EIF2S3B: variants seen among roughly 807,000 people sequenced by gnomAD.
EIF2S3B encodes eukaryotic translation initiation factor 2 subunit 3B.
Under a neutral mutation model 26.4 loss-of-function variants are expected in EIF2S3B, and 16 were observed. The observed-to-expected ratio is 0.61, with a 90% CI of 0.41 to 0.92. EIF2S3B has a LOEUF of 0.92. Ranked by LOEUF, EIF2S3B falls within the 40% of genes least tolerant of loss-of-function variation. The probability of loss-of-function intolerance (pLI) is 0.00; values close to 1 mark genes in which losing one functional copy is unlikely to be tolerated. For missense variants in EIF2S3B, 510 were observed against 575.5 expected (o/e 0.89, Z 1.16); for synonymous variants, 183 against 204.4 (o/e 0.90, Z 0.89).
intron 1 of EIF2S3B, among the ~76,000 whole-genome samples, chr12:10,517,354 C>T (rs1334573618): frequency 1.1e-4 from 16 of 151,020 alleles, no homozygotes; most frequent in East Asian, 3.9e-4. Context: ...GTGTATGTGT[C>T]GAGGAATTTA....
chr12:10,519,524 T>C (rs1864806345), intron 1 of EIF2S3B, among the ~76,000 whole-genome samples: 1 of 151,962 alleles, frequency 6.6e-6, no homozygotes, highest in African/African-American at 2.4e-5. Context: ...CTAATTAAAC[T>C]AAAGAGCTTC....
intron 1 of EIF2S3B, among the ~76,000 whole-genome samples, chr12:10,515,468 A>C (rs188078202): frequency 2.3e-3 from 356 of 152,190 alleles, no homozygotes; most frequent in Non-Finnish European, 4.0e-3. Flanking sequence ...CAGAATAAAG[A>C]TATTGAAAGA....
chr12:10,511,876 C>G (rs536883438), downstream of EIF2S3B, among the ~76,000 whole-genome samples: 1 of 152,254 alleles, frequency 6.6e-6, no homozygotes, highest in East Asian at 1.9e-4. Context: ...AAAGCACAGT[C>G]TATGGCTCTG....
chr12:10,508,233 T>G lies in EIF2S3B; in HGVS notation c.*912T>G, dbSNP rs1864666173. ...ATTACTTGTTCCCATGGGCAAATAA[T>G]TTTCTCCCCTTGCTCTTCCTGGCCT... On this transcript the variant is annotated 3_prime_UTR_variant, in exon 1 of 1. Coordinates refer to ENST00000538173, the MANE Select transcript of EIF2S3B (RefSeq NM_001357734.3). 6.6e-6 allele frequency among the ~76,000 whole-genome samples: 1 copy of G among 152,082 alleles called. No individual in the cohort carries two copies.
In EIF2S3B at chr12:10,506,197, C is replaced by T. The variant is rs1338160992; in HGVS notation, c.295C>T (p.Pro99Ser). The T allele has an allele frequency of 6.3e-7, 1 of 1,585,064 alleles. No homozygotes were observed. Among genetic ancestry groups the T allele is most frequent in the African/African-American group, 1.3e-5 (1 of 74,304 alleles). ...YQLDDPSCPRPECYRSCGSSM... is the reference protein window; with the variant it reads ...YQLDDPSCPRSECYRSCGSSM... ...ACTTGATGACCCAAGTTGCCCTCGG[C>T]CAGAATGTTATCGATCTTGTGGGAG... The change falls in exon 1 of 1, where the codon CCA (proline) becomes TCA (serine). Residue 99 changes from proline to serine, a missense_variant. Physicochemically the swap from Pro to Ser is moderately conservative, Grantham distance 74. Transcript: ENST00000538173.
intron 1 of EIF2S3B, among the ~76,000 whole-genome samples, chr12:10,518,021 T>C (rs1864781789): frequency 6.6e-6 from 1 of 151,980 alleles, no homozygotes; most frequent in African/African-American, 2.4e-5. Flanking sequence ...GAGGAGAGCT[T>C]TACTTCCAAC....
At chr12:10,520,855 A>G (rs1308892453) in intron 1 of EIF2S3B, among the ~76,000 whole-genome samples, 4 of 152,186 alleles carry the variant, frequency 2.6e-5, no homozygotes, top group African/African-American at 9.6e-5. Flanking sequence ...ATGATAGTCA[A>G]GAAAAAGTGA....
rs752004312 is a variant in EIF2S3B, at chr12:10,506,996, C to A, written c.1094C>A (p.Pro365His). ...ATACTTGGTGCAGTCGGAGCTTTAC[C>A]TGAGATATTCACAGAATTGGAAATT... ...GQILGAVGALPEIFTELEISY... is the reference protein window; with the variant it reads ...GQILGAVGALHEIFTELEISY... The change falls in exon 1 of 1, where the codon CCT becomes CAT. Residue 365 changes from proline to histidine, a missense_variant. Coordinates refer to ENST00000538173, the MANE Select transcript of EIF2S3B (RefSeq NM_001357734.3). 6.2e-7 allele frequency: 1 copy of A among 1,613,778 alleles called. No individual in the cohort carries two copies. Among genetic ancestry groups the A allele is most frequent in the Non-Finnish European group, 8.5e-7 (1 of 1,179,692 alleles).
At position 10,507,845 on chromosome 12, in the gene EIF2S3B, A is replaced by G. The variant is rs138592846; in HGVS notation, c.*524A>G. ...AGGGTGATCAGCCCACCTCGGCCTCACAAAGTGCCGGGATTACAGGCGTGA... is the reference window on the plus strand; with the variant it reads ...AGGGTGATCAGCCCACCTCGGCCTCGCAAAGTGCCGGGATTACAGGCGTGA... On this transcript the variant is annotated 3_prime_UTR_variant, in exon 1 of 1. Coordinates refer to ENST00000538173, the MANE Select transcript of EIF2S3B (RefSeq NM_001357734.3). Among the ~76,000 whole-genome samples, 973 of 152,248 alleles carry G rather than the reference A, an allele frequency of 6.4e-3. 10 individuals carry two copies. Among genetic ancestry groups the G allele is most frequent in the African/African-American group, 0.022 (917 of 41,560 alleles).
At chr12:10,520,972 C>A (rs188051762) in intron 1 of EIF2S3B, among the ~76,000 whole-genome samples, 73 of 152,302 alleles carry the variant, frequency 4.8e-4, no homozygotes, top group African/African-American at 1.7e-3. Context: ...TAGTTTGTGA[C>A]AGTGTACAGA....
At chr12:10,520,461 GTAAC>G (rs1864818797) in intron 1 of EIF2S3B, among the ~76,000 whole-genome samples, 2 of 150,892 alleles carry the variant, frequency 1.3e-5, no homozygotes, top group Admixed American at 6.6e-5. Context: ...GTATACATAT[GTAAC>G]TAACCTGCAC....
chr12:10,511,925 T>G (rs961651979), downstream of EIF2S3B, among the ~76,000 whole-genome samples: 2 of 152,212 alleles, frequency 1.3e-5, no homozygotes, highest in African/African-American at 4.8e-5. Context: ...CACAAAGAGT[T>G]TTTATTTACA....
At chr12:10,511,922 A>G (rs181414134), downstream of EIF2S3B, among the ~76,000 whole-genome samples, 164 of 152,330 alleles carry the variant, frequency 1.1e-3, no homozygotes, top group Non-Finnish European at 1.5e-3. Flanking sequence ...CTACACAAAG[A>G]GTTTTTATTT....
At position 10,506,980 on chromosome 12, in the gene EIF2S3B, G is replaced by T. The variant is rs775790041; in HGVS notation, c.1078G>T (p.Ala360Ser). ...CAGAATGGTGGGGCAAATACTTGGT[G>T]CAGTCGGAGCTTTACCTGAGATATT... The part of the protein sequence containing the change: ...ADRMVGQILG[A>S]VGALPEIFTE... Residue 360 changes from alanine to serine, a missense_variant, in exon 1 of 1, where the codon GCA (alanine) becomes TCA (serine). Coordinates refer to ENST00000538173, the MANE Select transcript of EIF2S3B (RefSeq NM_001357734.3). 1.1e-5 allele frequency: 17 copies of T among 1,613,704 alleles called. No homozygotes were observed. The Admixed American group carries it at 2.8e-4, about 27-fold the overall frequency.
chr12:10,522,509 G>C, intron 1 of EIF2S3B: 1 of 547,508 alleles, frequency 1.8e-6, no homozygotes, highest in Admixed American at 3.0e-5. Flanking sequence ...TAATTATCTA[G>C]AAAAAATTAG....
downstream of EIF2S3B, among the ~76,000 whole-genome samples, chr12:10,511,604 CTAAT>C (rs916170760): frequency 1.7e-4 from 26 of 152,112 alleles, no homozygotes; most frequent in African/African-American, 5.5e-4. Flanking sequence ...GTATATAAAA[CTAAT>C]TATTTATAAA....
At chr12:10,519,139 T>C (rs1266120048) in intron 1 of EIF2S3B, among the ~76,000 whole-genome samples, 4 of 152,072 alleles carry the variant, frequency 2.6e-5, no homozygotes, top group Admixed American at 1.3e-4. Context: ...CAAAACAGCA[T>C]GGTACTGGTA....
Position 10,506,219 on chromosome 12 carries a change from G to C in EIF2S3B, c.317G>C (p.Gly106Ala). ...CGGCCAGAATGTTATCGATCTTGTG[G>C]GAGCAGTATGCCTGATGAGTTTCCT... Reference protein sequence around the residue: ...CPRPECYRSCGSSMPDEFPTD... With the variant: ...CPRPECYRSCASSMPDEFPTD... Residue 106 changes from glycine (G) to alanine (A), a missense_variant, in exon 1 of 1, where the codon GGG becomes GCG. Physicochemically the swap from Gly to Ala is moderately conservative, Grantham distance 60. Transcript: ENST00000538173. The C allele has an allele frequency of 6.3e-7, 1 of 1,593,284 alleles. No homozygotes were observed. The highest frequency in any genetic ancestry group is 1.7e-4 in the Middle Eastern group (1 of 6,026).
chr12:10,508,298 C>T lies in EIF2S3B; in HGVS notation c.*977C>T, dbSNP rs939613034. 6.6e-6 allele frequency among the ~76,000 whole-genome samples: 1 copy of T among 152,046 alleles called. No individual in the cohort carries two copies. The highest frequency in any genetic ancestry group is 2.4e-5 in the African/African-American group (1 of 41,398). On this transcript the variant is annotated 3_prime_UTR_variant, in exon 1 of 1. Coordinates refer to ENST00000538173, the MANE Select transcript of EIF2S3B (RefSeq NM_001357734.3). ...TAGAGTCAGAAGTTATCTCCCTCTCCCTGTGATGCCTTGAGATGTTTTTCT... is the reference window on the plus strand; with the variant it reads ...TAGAGTCAGAAGTTATCTCCCTCTCTCTGTGATGCCTTGAGATGTTTTTCT...
Sources: allele counts gnomAD v4.1 joint callset (sites outside exome capture counted in the v4.1 genomes callset), GRCh38; gene constraint gnomAD v4.1.1; transcripts MANE v1.5; gene names NCBI Gene and HGNC (gene_info 2026-07-23, HGNC 2026-07-21).